KMT2C: variants seen among roughly 807,000 people sequenced by gnomAD.
The protein encoded by KMT2C is lysine methyltransferase 2C.
Under a neutral mutation model 507.9 loss-of-function variants are expected in KMT2C, and 88 were observed. That is an observed-to-expected ratio of 0.17 (90% confidence interval 0.15 to 0.21). The LOEUF (loss-of-function observed/expected upper bound fraction) is 0.21, where lower values mean the gene tolerates loss of function less well. Among genes scored for constraint, KMT2C ranks in the 10% least tolerant of loss-of-function variants. KMT2C has a pLI of 1.00. For synonymous variants in KMT2C, 2,049 were observed against 2,080.8 expected, an observed-to-expected ratio of 0.98 and a Z score of 0.42; for missense variants, 4,954 against 5,957.8, an observed-to-expected ratio of 0.83 and a Z score of 5.55.
chr7:152,199,858 C>T (rs1273360409), intron 26 of KMT2C, among the ~76,000 whole-genome samples: 1 of 152,032 alleles, frequency 6.6e-6, no homozygotes, highest in African/African-American at 2.4e-5. Context: ...TTCATATAAC[C>T]ACACTTACAC....
intron 44 of KMT2C, 69 bp downstream of exon 44, chr7:152,158,794 C>T (rs2092266336): frequency 7.0e-7 from 1 of 1,421,294 alleles, no homozygotes; most frequent in Non-Finnish European, 9.9e-7. Context: ...GGATTACAGG[C>T]ATGAGCCACT....
chr7:152,435,365 G>A (rs1428892799), intron 1 of KMT2C, among the ~76,000 whole-genome samples: 1 of 151,700 alleles, frequency 6.6e-6, no homozygotes, highest in East Asian at 1.9e-4. Flanking sequence ...CCAGTGAAAA[G>A]GCCCGACTGA....
chr7:152,345,419 G>A (rs1197676686), intron 2 of KMT2C, among the ~76,000 whole-genome samples: 1 of 152,164 alleles, frequency 6.6e-6, no homozygotes, highest in African/African-American at 2.4e-5. Flanking sequence ...TCCAACCTGG[G>A]TGATACAGTG....
At chr7:152,427,292 C>A (rs1161572351) in intron 1 of KMT2C, among the ~76,000 whole-genome samples, 15 of 152,150 alleles carry the variant, frequency 9.9e-5, no homozygotes, top group Admixed American at 9.8e-4. Context: ...GGATTACAGG[C>A]GTTAGCCACT....
At chr7:152,323,139 T>C (rs951731179) in intron 3 of KMT2C, among the ~76,000 whole-genome samples, 6 of 151,858 alleles carry the variant, frequency 4.0e-5, no homozygotes, top group Admixed American at 1.3e-4. Context: ...AAACTAAAAA[T>C]AGAATTACCA....
At position 152,369,182 on chromosome 7, in the gene KMT2C, G is replaced by A. The variant is rs142625527; in HGVS notation, c.162-10507C>T. Among the ~76,000 whole-genome samples the A allele has an allele frequency of 9.1e-3, 1,382 of 152,158 alleles. 10 individuals carry two copies. Among genetic ancestry groups the A allele is most frequent in the Non-Finnish European group, 0.014 (926 of 67,984 alleles). On this transcript the variant is annotated intron_variant, in intron 1 of 58. Transcript: ENST00000262189. ...CACTAAAAATACAAAAGTTGGCCGG[G>A]CATGGTGGCACGTGCCTGTAATCCC...
chr7:152,384,561 C>T (rs1239573685), intron 1 of KMT2C, among the ~76,000 whole-genome samples: 6,634 of 139,882 alleles, frequency 0.047, 573 homozygotes, highest in African/African-American at 0.12. Context: ...CCACCACCAC[C>T]ACCACCACCA....
chr7:152,393,723 T>C (rs1289331118), intron 1 of KMT2C, among the ~76,000 whole-genome samples: 2 of 152,020 alleles, frequency 1.3e-5, no homozygotes, highest in Non-Finnish European at 2.9e-5. Flanking sequence ...AGAAACCCTG[T>C]CTCTACTAAA....
chr7:152,302,888 C>G (rs1319939866), intron 6 of KMT2C, among the ~76,000 whole-genome samples: 1 of 151,082 alleles, frequency 6.6e-6, no homozygotes, highest in Non-Finnish European at 1.5e-5. Context: ...AGGTGATCCA[C>G]CCGCCTCAGC....
intron 25 of KMT2C, among the ~76,000 whole-genome samples, chr7:152,204,301 CAA>C (rs1321110007): frequency 6.6e-6 from 1 of 152,002 alleles, no homozygotes; most frequent in African/African-American, 2.4e-5. Flanking sequence ...GTCTCAAAAA[CAA>C]AATTTTTTTT....
intron 1 of KMT2C, among the ~76,000 whole-genome samples, chr7:152,411,197 A>C (rs1277408003): frequency 6.6e-6 from 1 of 152,278 alleles, no homozygotes; most frequent in Non-Finnish European, 1.5e-5. Flanking sequence ...ATACAAAAAT[A>C]TCCTATGAAA....
At chr7:152,233,203 G>C (rs1432699288) in intron 16 of KMT2C, among the ~76,000 whole-genome samples, 1 of 152,140 alleles carries the variant, frequency 6.6e-6, no homozygotes, top group Non-Finnish European at 1.5e-5. Context: ...CTAGCTTGAA[G>C]ACCCACTGTT....
At chr7:152,330,817 C>A in intron 2 of KMT2C, 78 bp from the exon 3 acceptor site, 1 of 1,310,986 alleles carries the variant, frequency 7.6e-7, no homozygotes, top group East Asian at 2.3e-5. Context: ...ATCTATAAAG[C>A]ATAGGTCATA....
intron 2 of KMT2C, among the ~76,000 whole-genome samples, chr7:152,353,701 G>A (rs1252112430): frequency 1.3e-5 from 2 of 151,964 alleles, no homozygotes; most frequent in African/African-American, 4.8e-5. Flanking sequence ...TTTTTGCCAT[G>A]TTGCCCAGGC....
At chr7:152,221,473 T>G (rs2094769222) in intron 22 of KMT2C, among the ~76,000 whole-genome samples, 1 of 152,152 alleles carries the variant, frequency 6.6e-6, no homozygotes, top group Non-Finnish European at 1.5e-5. Flanking sequence ...AAGTAATAAA[T>G]AAGTACAAAT....
In KMT2C at chr7:152,196,161, A is replaced by G. The variant is rs1180114841; in HGVS notation, c.4274-150T>C. Reference sequence around the variant, plus strand: ...TAATTTTACAGTAAAAATTTTCCATAGCAAAGGAGATAATGTTTTGAATTA... The same window carrying G: ...TAATTTTACAGTAAAAATTTTCCATGGCAAAGGAGATAATGTTTTGAATTA... On this transcript the variant is annotated intron_variant, in intron 27 of 58. Transcript: ENST00000262189. 2.0e-5 allele frequency: 9 copies of G among 455,430 alleles called. No individual in the cohort carries two copies. In the South Asian group the frequency reaches 4.6e-4, roughly 23 times the overall value. The allele number at this position is 455,430 out of a possible 1,614,324, so 28.2% of individuals were successfully genotyped here.
At chr7:152,249,976 A>C (rs1204338877) in intron 12 of KMT2C, 23 bp from the exon 13 acceptor site, 14 of 1,509,138 alleles carry the variant, frequency 9.3e-6, no homozygotes, top group African/African-American at 5.5e-5. Context: ...CATTTATAAA[A>C]TCTCTAAGGA....
intron 1 of KMT2C, among the ~76,000 whole-genome samples, chr7:152,391,129 G>A (rs1164626731): frequency 2.3e-5 from 2 of 88,154 alleles, no homozygotes; most frequent in Admixed American, 1.7e-4. Flanking sequence ...GGGCGACAGA[G>A]TGAGACTGTC....
At chr7:152,267,958 G>A in intron 7 of KMT2C, among the ~76,000 whole-genome samples, 1 of 151,852 alleles carries the variant, frequency 6.6e-6, no homozygotes, top group South Asian at 2.1e-4. Flanking sequence ...TTGAAATTTT[G>A]TTTTTCTGCT....
Sources: allele counts gnomAD v4.1 joint callset (sites outside exome capture counted in the v4.1 genomes callset), GRCh38; gene constraint gnomAD v4.1.1; transcripts MANE v1.5; gene names NCBI Gene and HGNC (gene_info 2026-07-23, HGNC 2026-07-21).